The following PCDHGB1 variants were observed in gnomAD, a reference collection of about 807,000 sequenced individuals.
The protein encoded by PCDHGB1 is protocadherin gamma-B1.
PCDHGB1 carries 34 observed loss-of-function variants against 56.6 expected under a neutral mutation model. That is an observed-to-expected ratio of 0.60 (90% CI 0.46 to 0.80). The LOEUF is 0.80. PCDHGB1 is among the 30% of genes least tolerant of loss of function. The pLI is 0.00. For synonymous variants in PCDHGB1, 561 were observed against 505.9 expected, an observed-to-expected ratio of 1.11 and a Z score of -1.46; for missense variants, 1,278 against 1,204.6, an observed-to-expected ratio of 1.06 and a Z score of -0.90.
intron 1 of PCDHGB1, chr5:141,422,634 T>C: frequency 1.9e-6 from 3 of 1,612,682 alleles, no homozygotes; most frequent in Non-Finnish European, 2.5e-6. Flanking sequence ...ACCCCAGGGG[T>C]GCCTCCATCT....
chr5:141,365,116 C>G (rs1763746744), intron 1 of PCDHGB1: 1 of 1,613,900 alleles, frequency 6.2e-7, no homozygotes, highest in Non-Finnish European at 8.5e-7. Flanking sequence ...CTCGGCTGCT[C>G]ATGCTAACCG....
In PCDHGB1 at chr5:141,370,028, G is replaced by A. The variant is rs549001136; in HGVS notation, c.2409+17359G>A. 2.6e-4 allele frequency among the ~76,000 whole-genome samples: 39 copies of A among 152,344 alleles called. No homozygotes were observed. In the South Asian group the frequency reaches 7.9e-3, roughly 31 times the overall value. On this transcript the variant is annotated intron_variant, in intron 1 of 3. Transcript: ENST00000523390. Reference sequence around the variant, plus strand: ...AAAGAAATAACAGACTAAAGATATAGTAAGTATATTTAATGTTTTTTAAAA... The same window carrying A: ...AAAGAAATAACAGACTAAAGATATAATAAGTATATTTAATGTTTTTTAAAA...
Position 141,350,479 on chromosome 5 carries a change from C to A in PCDHGB1, c.219C>A (p.Asn73Lys). ...KLRVSAEDYF[N>K]VSLESGDLLV... The stretch of plus-strand genomic sequence containing the variant: ...GGGTTAGTGCAGAGGATTATTTCAA[C>A]GTTAGTTTGGAGAGCGGGGATTTGT... The change falls in exon 1 of 4, where the codon AAC becomes AAA. Residue 73 changes from asparagine to lysine, a missense_variant. Physicochemically the swap from Asn to Lys is moderately conservative, Grantham distance 94. Coordinates refer to ENST00000523390, the MANE Select transcript of PCDHGB1 (RefSeq NM_018922.3). 6.2e-7 allele frequency: 1 copy of A among 1,613,916 alleles called. No homozygotes were observed. The highest frequency in any genetic ancestry group is 1.6e-4 in the Middle Eastern group (1 of 6,062).
intron 1 of PCDHGB1, chr5:141,397,905 G>C: frequency 1.5e-6 from 1 of 659,508 alleles, no homozygotes; most frequent in East Asian, 2.8e-5. Flanking sequence ...GCAGAGCTTG[G>C]CGCTCCAGAT....
intron 2 of PCDHGB1, among the ~76,000 whole-genome samples, chr5:141,495,811 G>A (rs1164360438): frequency 1.3e-5 from 2 of 151,710 alleles, no homozygotes; most frequent in Admixed American, 1.3e-4. Flanking sequence ...GTTTCCTAGC[G>A]CCTTGTGTTC....
At chr5:141,387,570 A>T (rs1490079513) in intron 1 of PCDHGB1, 4 of 455,052 alleles carry the variant, frequency 8.8e-6, no homozygotes, top group Non-Finnish European at 1.2e-5. Flanking sequence ...CACAATTATA[A>T]TTATTGCACT....
At chr5:141,509,486 A>G (rs1022659275) in intron 3 of PCDHGB1, among the ~76,000 whole-genome samples, 10 of 152,132 alleles carry the variant, frequency 6.6e-5, no homozygotes, top group African/African-American at 2.4e-4. Flanking sequence ...GGTAGAGGTG[A>G]TGGCATGCTG....
chr5:141,361,600 T>C, intron 1 of PCDHGB1: 1 of 1,614,024 alleles, frequency 6.2e-7, no homozygotes, highest in Non-Finnish European at 8.5e-7. Context: ...CCAAGTTTCC[T>C]ACTCCATCGT....
intron 1 of PCDHGB1, chr5:141,393,113 G>C: frequency 6.2e-7 from 1 of 1,613,500 alleles, no homozygotes. Flanking sequence ...CTCAGAGCCC[G>C]CGGTGTCTGA....
At position 141,365,064 on chromosome 5, in the gene PCDHGB1, C is replaced by T. The variant is rs779776168; in HGVS notation, c.2409+12395C>T. 5 of 1,613,856 alleles carry T rather than the reference C, an allele frequency of 3.1e-6. No homozygotes were observed. The Middle Eastern group carries it at 6.6e-4, about 213-fold the overall frequency. ...GACAATGCGCCCCTGTTCACCCCAT[C>T]CGAGTACAGCGTGAGTGTTCCAGAG... On this transcript the variant is annotated intron_variant, in intron 1 of 3. Coordinates refer to ENST00000523390, the MANE Select transcript of PCDHGB1 (RefSeq NM_018922.3).
chr5:141,428,430 GA>G, intron 1 of PCDHGB1: 1 of 421,748 alleles, frequency 2.4e-6, no homozygotes. Flanking sequence ...TCTGTTCTAA[GA>G]CTAGACCAGG....
At position 141,487,215 on chromosome 5, in the gene PCDHGB1, C is replaced by G. The variant is rs1248989099; in HGVS notation, c.2410-7592C>G. 4 of 1,613,850 alleles carry G rather than the reference C, an allele frequency of 2.5e-6. No homozygotes were observed. Among genetic ancestry groups the G allele is most frequent in the East Asian group, 4.5e-5 (2 of 44,882 alleles). The stretch of plus-strand genomic sequence containing the variant: ...GTCCCAGATCTTCGAGAATCTTCAG[C>G]TCCAAGGGAAGGAGAATCTCGTCTA... On this transcript the variant is annotated intron_variant, in intron 1 of 3. Coordinates refer to ENST00000523390, the MANE Select transcript of PCDHGB1 (RefSeq NM_018922.3). This position sits in a 1 kb window ranked among gnomAD's most constrained non-coding sequence, Gnocchi z 5.0.
intron 1 of PCDHGB1, chr5:141,427,712 C>A: frequency 9.5e-7 from 1 of 1,051,464 alleles, no homozygotes; most frequent in Non-Finnish European, 1.4e-6. Context: ...GCGCCTCTGA[C>A]CTGGACCTAG....
At chr5:141,375,751 T>C (rs1389189532) in intron 1 of PCDHGB1, 3 of 1,614,108 alleles carry the variant, frequency 1.9e-6, no homozygotes, top group Non-Finnish European at 2.5e-6. Context: ...TGGACCAGAA[T>C]GACAATGCGC....
intron 1 of PCDHGB1, chr5:141,374,451 T>C: frequency 6.2e-7 from 1 of 1,613,730 alleles, no homozygotes; most frequent in Non-Finnish European, 8.5e-7. Flanking sequence ...GAAGTGGAAA[T>C]AGTGGACATT....
intron 1 of PCDHGB1, chr5:141,423,261 C>T (rs1181343306): frequency 6.2e-7 from 1 of 1,613,870 alleles, no homozygotes; most frequent in Non-Finnish European, 8.5e-7. Flanking sequence ...ACCTCGGCAG[C>T]CTCGAGTCTC....
At chr5:141,400,178 T>G in intron 1 of PCDHGB1, 1 of 1,614,074 alleles carries the variant, frequency 6.2e-7, no homozygotes, top group Non-Finnish European at 8.5e-7. Context: ...CAGGCTGAGC[T>G]GCAGTTTTAC....
At chr5:141,397,923 C>T in intron 1 of PCDHGB1, 1 of 738,672 alleles carries the variant, frequency 1.4e-6, no homozygotes, top group East Asian at 2.8e-5. Flanking sequence ...GATCTCCTCG[C>T]GCAGCCGCAG....
At chr5:141,413,129 A>G in intron 1 of PCDHGB1, 2 of 1,536,352 alleles carry the variant, frequency 1.3e-6, no homozygotes, top group East Asian at 2.3e-5. Context: ...GTTGAAACAC[A>G]CAACGTGTCC....
Sources: allele counts gnomAD v4.1 joint callset (sites outside exome capture counted in the v4.1 genomes callset), GRCh38; gene constraint gnomAD v4.1.1; non-coding constraint Gnocchi (gnomAD v3.1); transcripts MANE v1.5; gene names NCBI Gene and HGNC (gene_info 2026-07-23, HGNC 2026-07-21).